The following SLC22A24 variants were observed in gnomAD, a reference collection of about 807,000 sequenced individuals.
The protein encoded by SLC22A24 is solute carrier family 22 member 24, also known as steroid transmembrane transporter SLC22A24.
SLC22A24 carries 53 observed loss-of-function variants against 49.8 expected under a neutral mutation model. The observed-to-expected ratio is 1.06, with a 90% confidence interval of 0.85 to 1.34. SLC22A24 has a LOEUF of 1.34. Ranked by LOEUF, SLC22A24 falls within the 40% of genes most tolerant of loss-of-function variation. The probability of loss-of-function intolerance (pLI) is 0.00; values close to 1 mark genes in which losing one functional copy is unlikely to be tolerated. For synonymous variants in SLC22A24, 302 were observed against 256.4 expected (o/e 1.18, Z -1.70); for missense variants, 786 against 675.9 (o/e 1.16, Z -1.81).
intron 6 of SLC22A24, among the ~76,000 whole-genome samples, chr11:63,087,024 G>GTGCGCACACACACA (rs1555045311): frequency 7.5e-6 from 1 of 132,556 alleles, no homozygotes; most frequent in African/African-American, 2.9e-5. Flanking sequence ...CCTGGAGGGC[G>GTGCGCACACACACA]CACACACACA....
intron 1 of SLC22A24, among the ~76,000 whole-genome samples, chr11:63,137,431 A>G (rs1013129042): frequency 6.6e-6 from 1 of 152,082 alleles, no homozygotes; most frequent in African/African-American, 2.4e-5. Flanking sequence ...GTTATATTTG[A>G]TGACCCTAAA....
chr11:63,111,891 G>A (rs1219048710), intron 4 of SLC22A24, among the ~76,000 whole-genome samples: 2 of 151,710 alleles, frequency 1.3e-5, no homozygotes, highest in African/African-American at 2.4e-5. Context: ...CCTTCTGCTA[G>A]CTTTTGAATG....
chr11:63,099,092 A>T (rs1374307796), intron 5 of SLC22A24, among the ~76,000 whole-genome samples: 3 of 152,184 alleles, frequency 2.0e-5, no homozygotes, highest in Non-Finnish European at 2.9e-5. Flanking sequence ...ACAGACCAAT[A>T]AGAAGTAATG....
intron 8 of SLC22A24, 72 bp downstream of exon 8, chr11:63,081,486 T>A: frequency 9.4e-7 from 1 of 1,068,834 alleles, no homozygotes; most frequent in African/African-American, 1.6e-5. Context: ...AGTGTCAGTC[T>A]TTCATTCACA....
chr11:63,126,752 T>C (rs182416121), intron 2 of SLC22A24, among the ~76,000 whole-genome samples: 326 of 152,316 alleles, frequency 2.1e-3, no homozygotes, highest in Admixed American at 4.8e-3. Flanking sequence ...CTTTGGGAAG[T>C]ATGGCAATTT....
At chr11:63,130,373 T>C (rs941718471) in intron 2 of SLC22A24, among the ~76,000 whole-genome samples, 3 of 152,182 alleles carry the variant, frequency 2.0e-5, no homozygotes, top group African/African-American at 7.2e-5. Flanking sequence ...CTGGATTCGG[T>C]TTGCTAATAT....
chr11:63,140,867 T>C (rs1418049075), intron 1 of SLC22A24, among the ~76,000 whole-genome samples: 1 of 152,190 alleles, frequency 6.6e-6, no homozygotes, highest in Non-Finnish European at 1.5e-5. Context: ...TTAAAGACTG[T>C]CTTAAACTAA....
At chr11:63,116,595 A>G (rs1590742053) in intron 4 of SLC22A24, among the ~76,000 whole-genome samples, 1 of 152,114 alleles carries the variant, frequency 6.6e-6, no homozygotes, top group Non-Finnish European at 1.5e-5. Context: ...GTTTATCTGA[A>G]TTACAGTTTT....
At position 63,118,933 on chromosome 11, in the gene SLC22A24, A is replaced by G. The variant is rs1218898643; in HGVS notation, c.809T>C (p.Ile270Thr). 6.4e-7 allele frequency: 1 copy of G among 1,552,126 alleles called. No homozygotes were observed. The highest frequency in any genetic ancestry group is 8.7e-7 in the Non-Finnish European group (1 of 1,147,058). The change falls in exon 4 of 10, where the codon ATT becomes ACT. Residue 270 changes from isoleucine (I) to threonine (T), a missense_variant. Coordinates refer to ENST00000612278, the MANE Select transcript of SLC22A24 (RefSeq NM_001136506.2). ...ATACCAAGAGGACAAGAAGAGGACA[A>G]TTATGGGTGTAGACACAGTCAGTTG... ...ILQLTVSTPI[I>T]VLFLSSWKMV... is the part of the protein sequence containing the mutation.
intron 5 of SLC22A24, among the ~76,000 whole-genome samples, chr11:63,097,234 A>G (rs991315170): frequency 1.3e-5 from 2 of 151,864 alleles, no homozygotes; most frequent in Non-Finnish European, 2.9e-5. Context: ...TTTACAAGAA[A>G]AAAAAAACAA....
At chr11:63,095,192 A>G (rs972469312) in intron 6 of SLC22A24, among the ~76,000 whole-genome samples, 1 of 152,174 alleles carries the variant, frequency 6.6e-6, no homozygotes, top group African/African-American at 2.4e-5. Flanking sequence ...AGCTTTCTAC[A>G]TATGGCTAGC....
rs1181636762 is a variant in SLC22A24, at chr11:63,119,099, A to G, written c.662-19T>C. ...TCTAAGCCTGGAAGAAAACATATAC[A>G]TAGTAATAATTTTAGACAAATGGTA... On this transcript the variant is annotated intron_variant, in intron 3 of 9. Transcript: ENST00000612278. 6.5e-7 allele frequency: 1 copy of G among 1,534,264 alleles called. No homozygotes were observed. Among genetic ancestry groups the G allele is most frequent in the Non-Finnish European group, 8.8e-7 (1 of 1,137,664 alleles).
rs181715246 is a variant in SLC22A24 at position 63,129,272 on chromosome 11, G to A, written c.506+5393C>T. ...GCTTGTTTTTGTCAGATTTGTGAAA[G>A]ATCAGATGGTCATAGACGTGTGGTG... On this transcript the variant is annotated intron_variant, in intron 2 of 9. Transcript: ENST00000612278. 1.6e-3 allele frequency among the ~76,000 whole-genome samples: 250 copies of A among 152,314 alleles called. 1 individual carries two copies. Among genetic ancestry groups the A allele is most frequent in the African/African-American group, 5.9e-3 (245 of 41,564 alleles).
Position 63,081,600 on chromosome 11 carries a change from C to G in SLC22A24, c.1352G>C (p.Ser451Thr). The G allele has an allele frequency of 6.4e-7, 1 of 1,551,606 alleles. No homozygotes were observed. The highest frequency in any genetic ancestry group is 1.2e-5 in the South Asian group (1 of 84,058). ...GAGCTCGTTGTGGTGGACAGAAGCA[C>G]TGTTGCTAGCAGCAGAAACACTACC... ...GIGSVSAASN[S>T]ASVHHNELVP... Residue 451 changes from serine (S) to threonine (T), a missense_variant, in exon 8 of 10, where the codon AGT becomes ACT. Coordinates refer to ENST00000612278, the MANE Select transcript of SLC22A24 (RefSeq NM_001136506.2).
chr11:63,138,571 G>T (rs914418456), intron 1 of SLC22A24, among the ~76,000 whole-genome samples: 69 of 148,962 alleles, frequency 4.6e-4, no homozygotes, highest in African/African-American at 1.6e-3. Flanking sequence ...GAACCTGGGA[G>T]GTGGAGCTTG....
At chr11:63,107,601 A>AT (rs1565329467) in intron 4 of SLC22A24, among the ~76,000 whole-genome samples, 3 of 151,674 alleles carry the variant, frequency 2.0e-5, no homozygotes, top group African/African-American at 7.3e-5. Context: ...GTCCTCTTTT[A>AT]TTTTTTTTGA....
chr11:63,108,830 T>C (rs954425182), intron 4 of SLC22A24, among the ~76,000 whole-genome samples: 2 of 151,730 alleles, frequency 1.3e-5, no homozygotes, highest in Non-Finnish European at 1.5e-5. Context: ...TTTTTCCTTT[T>C]GTCTTTACAT....
intron 2 of SLC22A24, among the ~76,000 whole-genome samples, chr11:63,129,961 C>A (rs555558813): frequency 2.6e-5 from 4 of 152,254 alleles, no homozygotes; most frequent in African/African-American, 9.6e-5. Context: ...ACTGAACACC[C>A]TTTATTTCTT....
At position 63,122,469 on chromosome 11, in the gene SLC22A24, T is replaced by G. The variant is rs558232937; in HGVS notation, c.507-3134A>C. 3.3e-5 allele frequency among the ~76,000 whole-genome samples: 5 copies of G among 152,306 alleles called. No individual in the cohort carries two copies. The South Asian group carries it at 8.3e-4, about 25-fold the overall frequency. ...TAATGTGTTAGGGCTAAGATGAAGC[T>G]GGTGTTTGATGAAGATAAACAGAGA... On this transcript the variant is annotated intron_variant, in intron 2 of 9. Coordinates refer to ENST00000612278, the MANE Select transcript of SLC22A24 (RefSeq NM_001136506.2).
Sources: gnomAD v4.1 joint callset for allele counts (sites outside exome capture counted in the v4.1 genomes callset) on GRCh38, gnomAD v4.1.1 for gene constraint, MANE v1.5 for transcripts, NCBI Gene and HGNC (gene_info 2026-07-23, HGNC 2026-07-21) for gene names.